The following NEGR1 variants were observed in gnomAD, a reference collection of about 807,000 sequenced individuals.
The protein encoded by NEGR1 is IgLON family member 4.
NEGR1 carries 10 observed loss-of-function variants against 40.9 expected under a neutral mutation model. That is an observed-to-expected ratio of 0.24 (90% confidence interval 0.15 to 0.42). The LOEUF (loss-of-function observed/expected upper bound fraction) is 0.42, where lower values mean the gene tolerates loss of function less well. Ranked by LOEUF, NEGR1 falls within the 10% of genes least tolerant of loss-of-function variation. The pLI is 1.00. For missense variants in NEGR1, 352 were observed against 438.9 expected, an observed-to-expected ratio of 0.80 and a Z score of 1.77; for synonymous variants, 185 against 166.8, an observed-to-expected ratio of 1.11 and a Z score of -0.84.
chr1:72,033,884 G>C (rs746737090), intron 1 of NEGR1, among the ~76,000 whole-genome samples: 1 of 152,032 alleles, frequency 6.6e-6, no homozygotes, highest in African/African-American at 2.4e-5. Context: ...AAAGCCACTC[G>C]GACTCAAACT....
chr1:71,588,607 T>C (rs919414003), intron 6 of NEGR1, among the ~76,000 whole-genome samples: 4 of 152,308 alleles, frequency 2.6e-5, no homozygotes, highest in South Asian at 4.1e-4. Context: ...AGTAATTCTA[T>C]TGATGAAATT....
chr1:71,872,210 G>A (rs1482749484), intron 2 of NEGR1, among the ~76,000 whole-genome samples: 1 of 152,130 alleles, frequency 6.6e-6, no homozygotes, highest in African/African-American at 2.4e-5. Flanking sequence ...GTTACATGCA[G>A]GAAGACAATG....
At chr1:71,732,133 C>T (rs1046005434) in intron 3 of NEGR1, among the ~76,000 whole-genome samples, 1 of 152,064 alleles carries the variant, frequency 6.6e-6, no homozygotes, top group Admixed American at 6.6e-5. Context: ...CATGGTGAAA[C>T]ACCATCTCTA....
At chr1:71,796,542 C>G (rs1041422442) in intron 2 of NEGR1, among the ~76,000 whole-genome samples, 1 of 152,160 alleles carries the variant, frequency 6.6e-6, no homozygotes, top group East Asian at 1.9e-4. Context: ...GCGGCATAGC[C>G]TGTGGTGACC....
chr1:71,910,626 C>T (rs1403040768), intron 2 of NEGR1, among the ~76,000 whole-genome samples: 1 of 152,110 alleles, frequency 6.6e-6, no homozygotes, highest in Non-Finnish European at 1.5e-5. Context: ...ATTTGTTTAT[C>T]TGGCAAAATC....
chr1:71,671,496 A>G (rs1014544259), intron 4 of NEGR1, among the ~76,000 whole-genome samples: 1 of 152,212 alleles, frequency 6.6e-6, no homozygotes, highest in Non-Finnish European at 1.5e-5. Context: ...GTAAACAAAG[A>G]GGAAATAACA....
At chr1:72,144,628 A>G (rs1463985728) in intron 1 of NEGR1, among the ~76,000 whole-genome samples, 1 of 152,034 alleles carries the variant, frequency 6.6e-6, no homozygotes, top group African/African-American at 2.4e-5. Context: ...CACCATTTAT[A>G]GCTAAGCTGT....
At chr1:71,894,829 G>T (rs1342305912) in intron 2 of NEGR1, among the ~76,000 whole-genome samples, 2 of 152,166 alleles carry the variant, frequency 1.3e-5, no homozygotes, top group Admixed American at 1.3e-4. Context: ...GATTGCTTGA[G>T]CCCAGGAGTT....
At chr1:72,047,139 G>GT (rs538042063) in intron 1 of NEGR1, among the ~76,000 whole-genome samples, 598 of 143,794 alleles carry the variant, frequency 4.2e-3, no homozygotes, top group East Asian at 6.7e-3. Context: ...GTTTTGTTTT[G>GT]TTTTTTTTTT....
chr1:71,540,374 A>G (rs1307247615), intron 6 of NEGR1, among the ~76,000 whole-genome samples: 1 of 151,826 alleles, frequency 6.6e-6, no homozygotes, highest in Admixed American at 6.6e-5. Flanking sequence ...CAGGGCCTAG[A>G]TACCTGGTAA....
In NEGR1 at chr1:72,125,094, A is replaced by C. The variant is rs181122015; in HGVS notation, c.176+157225T>G. Among the ~76,000 whole-genome samples, 293 of 152,240 alleles carry C rather than the reference A, an allele frequency of 1.9e-3. 1 individual carries two copies. The highest frequency in any genetic ancestry group is 4.4e-3 in the Admixed American group (68 of 15,286). ...GTAAAGAATTAGGTTGTAAAGAGTG[A>C]CATCTAGGAAAACATGAAAGTTATT... On this transcript the variant is annotated intron_variant, in intron 1 of 6. Coordinates refer to ENST00000357731, the MANE Select transcript of NEGR1 (RefSeq NM_173808.3).
At chr1:71,659,401 T>C (rs1651981263) in intron 4 of NEGR1, among the ~76,000 whole-genome samples, 1 of 152,104 alleles carries the variant, frequency 6.6e-6, no homozygotes, top group Non-Finnish European at 1.5e-5. Context: ...GGCAATACCA[T>C]ACTGGACATA....
At chr1:71,999,040 A>G (rs1370834062) in intron 1 of NEGR1, among the ~76,000 whole-genome samples, 1 of 151,944 alleles carries the variant, frequency 6.6e-6, no homozygotes, top group Non-Finnish European at 1.5e-5. Context: ...GATTGAATGA[A>G]TTGGCTTCTA....
chr1:71,969,320 C>A (rs2100313750), intron 1 of NEGR1, among the ~76,000 whole-genome samples: 1 of 152,180 alleles, frequency 6.6e-6, no homozygotes, highest in Non-Finnish European at 1.5e-5. Flanking sequence ...CAGCCTAACC[C>A]CTACATCTAA....
chr1:71,586,236 A>T (rs1439058884), intron 6 of NEGR1, among the ~76,000 whole-genome samples: 1 of 152,122 alleles, frequency 6.6e-6, no homozygotes, highest in African/African-American at 2.4e-5. Flanking sequence ...TCTCTGACTC[A>T]TCCTATTTGG....
intron 4 of NEGR1, among the ~76,000 whole-genome samples, chr1:71,639,944 T>G (rs1651291807): frequency 6.6e-6 from 1 of 152,060 alleles, no homozygotes; most frequent in South Asian, 2.1e-4. Flanking sequence ...TTGTTATACT[T>G]TTTGCAAACA....
At chr1:71,808,061 A>T (rs1305194708) in intron 2 of NEGR1, among the ~76,000 whole-genome samples, 1 of 152,152 alleles carries the variant, frequency 6.6e-6, no homozygotes, top group Non-Finnish European at 1.5e-5. Flanking sequence ...AAATAAGAAA[A>T]GTTATTGTTC....
intron 6 of NEGR1, among the ~76,000 whole-genome samples, chr1:71,415,591 G>A (rs559794601): frequency 1.3e-5 from 2 of 152,180 alleles, no homozygotes; most frequent in African/African-American, 2.4e-5. Flanking sequence ...TTTGAGGTAA[G>A]GAGAATAAGG....
intron 1 of NEGR1, among the ~76,000 whole-genome samples, chr1:72,049,099 G>A (rs141252727): frequency 6.6e-6 from 1 of 151,470 alleles, no homozygotes; most frequent in African/African-American, 2.4e-5. Context: ...GAGTCAAGAG[G>A]ATAGCTTGAG....
Sources: gnomAD v4.1 joint callset for allele counts (sites outside exome capture counted in the v4.1 genomes callset) on GRCh38, gnomAD v4.1.1 for gene constraint, MANE v1.5 for transcripts, NCBI Gene and HGNC (gene_info 2026-07-23, HGNC 2026-07-21) for gene names.